The following SLA variants were observed in gnomAD, a reference collection of about 807,000 sequenced individuals.
SLA encodes src-like-adapter.
Under a neutral mutation model 30.3 loss-of-function variants are expected in SLA, and 16 were observed. The observed-to-expected ratio is 0.53, with a 90% CI of 0.36 to 0.80. The LOEUF is 0.80. Among genes scored for constraint, SLA ranks in the 30% least tolerant of loss-of-function variants. The pLI, the probability that SLA is intolerant of heterozygous loss-of-function variation, is 0.01. For synonymous variants in SLA, 143 were observed against 137.8 expected (o/e 1.04, Z -0.26); for missense variants, 310 against 345.2 (o/e 0.90, Z 0.81).
At chr8:133,055,224 G>C (rs906899565) in intron 3 of SLA, among the ~76,000 whole-genome samples, 1 of 152,098 alleles carries the variant, frequency 6.6e-6, no homozygotes, top group Admixed American at 6.5e-5. Context: ...AGGGCAACTG[G>C]TGGGTAGGGA....
At chr8:133,101,427 G>T (rs749227231) in intron 1 of SLA, among the ~76,000 whole-genome samples, 2 of 152,158 alleles carry the variant, frequency 1.3e-5, no homozygotes, top group Non-Finnish European at 2.9e-5. Context: ...TGGCACCTGG[G>T]TCCAACCACC....
chr8:133,079,504 C>A (rs944022552), intron 1 of SLA, among the ~76,000 whole-genome samples: 1 of 151,838 alleles, frequency 6.6e-6, no homozygotes, highest in Non-Finnish European at 1.5e-5. Context: ...CCAGGGGAAG[C>A]AATAAAAAGC....
At chr8:133,038,994 T>C (rs529825425) in intron 8 of SLA, among the ~76,000 whole-genome samples, 1 of 152,212 alleles carries the variant, frequency 6.6e-6, no homozygotes, top group East Asian at 1.9e-4. Context: ...TCTCCCTCCT[T>C]AGCCTCCTGA....
Position 133,039,847 on chromosome 8 carries a change from G to T in SLA, c.617+151C>A, listed in dbSNP as rs184101208. On this transcript the variant is annotated intron_variant, in intron 8 of 8. Coordinates refer to ENST00000338087, the MANE Select transcript of SLA (RefSeq NM_001045556.3). ...ATTCCCTTGGTCTACACTTGTGGGG[G>T]GTGCTCACCCCCCAGTTTCAGCAGG... The T allele has an allele frequency of 6.0e-3, 8,102 of 1,361,160 alleles. 51 individuals carry two copies. The highest frequency in any genetic ancestry group is 6.3e-3 in the Non-Finnish European group (6,383 of 1,014,608). 84.3% of individuals were successfully genotyped at this position (1,361,160 alleles called of 1,614,324 possible). A position where few individuals can be genotyped will look rare whatever the true frequency, so the allele number is the denominator to read the frequency against.
chr8:133,063,922 C>T (rs1842737089), intron 2 of SLA, among the ~76,000 whole-genome samples: 1 of 152,208 alleles, frequency 6.6e-6, no homozygotes, highest in Non-Finnish European at 1.5e-5. Flanking sequence ...TAATCTGTGA[C>T]AATTTTATGC....
intron 1 of SLA, among the ~76,000 whole-genome samples, chr8:133,093,903 A>AT (rs1485825894): frequency 6.6e-6 from 1 of 152,206 alleles, no homozygotes; most frequent in Non-Finnish European, 1.5e-5. Context: ...ATGAGCTGAA[A>AT]TAGGGAACCT....
chr8:133,061,392 G>A (rs1322456769), intron 2 of SLA, among the ~76,000 whole-genome samples: 2 of 152,226 alleles, frequency 1.3e-5, no homozygotes, highest in Non-Finnish European at 2.9e-5. Context: ...CTGAGATAAA[G>A]CATGGGAACC....
chr8:133,101,609 G>A (rs1049338900), intron 1 of SLA, among the ~76,000 whole-genome samples: 1 of 152,162 alleles, frequency 6.6e-6, no homozygotes, highest in African/African-American at 2.4e-5. Context: ...TAAACAGGGT[G>A]TCCAGCATGT....
At chr8:133,052,035 T>C (rs564432392) in intron 3 of SLA, among the ~76,000 whole-genome samples, 2 of 152,310 alleles carry the variant, frequency 1.3e-5, no homozygotes, top group South Asian at 4.1e-4. Context: ...GTTCCCTGGT[T>C]CGCTCACCCC....
chr8:133,081,404 G>A (rs766659564), intron 1 of SLA, among the ~76,000 whole-genome samples: 2 of 152,190 alleles, frequency 1.3e-5, no homozygotes, highest in African/African-American at 2.4e-5. Flanking sequence ...AAACCATCTG[G>A]GGGGAGAGCA....
intron 3 of SLA, among the ~76,000 whole-genome samples, chr8:133,054,928 C>G (rs1841098187): frequency 1.3e-5 from 2 of 152,206 alleles, no homozygotes; most frequent in South Asian, 4.1e-4. Context: ...CTCAGTCACT[C>G]CCACTTATAA....
chr8:133,084,177 C>T (rs544156042), intron 1 of SLA, among the ~76,000 whole-genome samples: 12 of 151,880 alleles, frequency 7.9e-5, no homozygotes, highest in African/African-American at 2.7e-4. Context: ...AAAGGAGGGA[C>T]GAAATGGAGA....
intron 7 of SLA, among the ~76,000 whole-genome samples, chr8:133,041,936 T>C (rs1036977660): frequency 6.8e-4 from 104 of 152,058 alleles, no homozygotes; most frequent in African/African-American, 2.4e-3. Flanking sequence ...TACAGTTGCA[T>C]GCCACCACAC....
intron 1 of SLA, among the ~76,000 whole-genome samples, chr8:133,088,336 C>T (rs921791730): frequency 4.6e-5 from 7 of 152,146 alleles, no homozygotes; most frequent in East Asian, 1.9e-4. Context: ...ATCCACCAGC[C>T]GCTCATGAGT....
intron 2 of SLA, among the ~76,000 whole-genome samples, chr8:133,069,776 G>A (rs552504725): frequency 1.6e-4 from 25 of 152,076 alleles, no homozygotes; most frequent in Non-Finnish European, 2.9e-4. Context: ...TGAGGCAGGC[G>A]GATCATTTGA....
intron 1 of SLA, among the ~76,000 whole-genome samples, chr8:133,076,919 A>G (rs1333408791): frequency 2.0e-5 from 3 of 152,190 alleles, no homozygotes; most frequent in Non-Finnish European, 2.9e-5. Context: ...TTGAATATGT[A>G]CTACACAGCA....
chr8:133,051,098 C>T (rs1469824999), intron 3 of SLA, among the ~76,000 whole-genome samples, 183 bp from the exon 4 acceptor site: 1 of 152,156 alleles, frequency 6.6e-6, no homozygotes, highest in Non-Finnish European at 1.5e-5. Context: ...GGTGTGCGTA[C>T]GAGCCCTGAG....
chr8:133,086,599 T>C (rs576362313), intron 1 of SLA, among the ~76,000 whole-genome samples: 61 of 152,292 alleles, frequency 4.0e-4, no homozygotes, highest in African/African-American at 6.5e-4. Context: ...CATAAGGAAA[T>C]CATCATGGAT....
chr8:133,067,041 A>G (rs528363002), intron 2 of SLA, among the ~76,000 whole-genome samples: 1 of 152,152 alleles, frequency 6.6e-6, no homozygotes, highest in Non-Finnish European at 1.5e-5. Flanking sequence ...GGCACAATTG[A>G]CTAGGGACTT....
Sources: allele counts gnomAD v4.1 joint callset (sites outside exome capture counted in the v4.1 genomes callset), GRCh38; gene constraint gnomAD v4.1.1; transcripts MANE v1.5; gene names NCBI Gene and HGNC (gene_info 2026-07-23, HGNC 2026-07-21).